The following LCORL variants were observed in gnomAD, a reference collection of about 807,000 sequenced individuals.
LCORL encodes the protein ligand dependent nuclear receptor corepressor like.
LCORL carries 41 observed loss-of-function variants against 141.8 expected under a neutral mutation model. The ratio of observed to expected loss-of-function variants is 0.29; its 90% CI spans 0.23 to 0.38. The LOEUF (loss-of-function observed/expected upper bound fraction) is 0.38, where lower values mean the gene tolerates loss of function less well. Ranked by LOEUF, LCORL falls within the 10% of genes least tolerant of loss-of-function variation. The probability of loss-of-function intolerance (pLI) is 1.00; values close to 1 mark genes in which losing one functional copy is unlikely to be tolerated. For missense variants in LCORL, 1,759 were observed against 2,035.0 expected (o/e 0.86, Z 2.61); for synonymous variants, 618 against 694.1 (o/e 0.89, Z 1.72).
intron 1 of LCORL, among the ~76,000 whole-genome samples, chr4:17,997,801 AT>A (rs1560461809): frequency 6.6e-6 from 1 of 152,174 alleles, no homozygotes; most frequent in Non-Finnish European, 1.5e-5. Context: ...AATGGACACA[AT>A]GGTTAAAACA....
At chr4:17,881,678 T>C in intron 6 of LCORL, 2 of 951,722 alleles carry the variant, frequency 2.1e-6, no homozygotes, top group Non-Finnish European at 2.5e-6. Context: ...TACTATAAAC[T>C]TCTCAATCAA....
At chr4:17,843,209 T>C (rs1722593070) in exon 8 of LCORL, 5 of 1,375,960 alleles carry the variant, frequency 3.6e-6, no homozygotes, top group East Asian at 4.7e-5. Context: ...TAAACACTGA[T>C]AGAATGTGAG....
At chr4:17,980,228 T>C (rs1008768105) in intron 1 of LCORL, among the ~76,000 whole-genome samples, 8 of 152,224 alleles carry the variant, frequency 5.3e-5, no homozygotes, top group Admixed American at 5.2e-4. Context: ...GGCTTGAAGT[T>C]CCTTGATTGA....
At chr4:17,960,648 A>T (rs948002979) in intron 4 of LCORL, among the ~76,000 whole-genome samples, 2 of 152,118 alleles carry the variant, frequency 1.3e-5, no homozygotes, top group African/African-American at 4.8e-5. Flanking sequence ...TTTTAAAGAG[A>T]TGGGGTCTTG....
intron 6 of LCORL, chr4:17,880,355 T>C: frequency 1.4e-6 from 1 of 697,464 alleles, no homozygotes; most frequent in Non-Finnish European, 1.8e-6. Flanking sequence ...CAGTCTAGAA[T>C]TTATTCTCAG....
chr4:17,994,520 G>A (rs1268328421), intron 1 of LCORL, among the ~76,000 whole-genome samples: 1 of 152,028 alleles, frequency 6.6e-6, no homozygotes, highest in Non-Finnish European at 1.5e-5. Context: ...TCAATTTAAA[G>A]TTTCATCTGA....
intron 1 of LCORL, among the ~76,000 whole-genome samples, chr4:18,018,533 G>A (rs74537632): frequency 0.02 from 3,093 of 152,260 alleles, 48 homozygotes; most frequent in Non-Finnish European, 0.032. Context: ...ACAATTAGAG[G>A]AAGGTAAATA....
chr4:17,863,832 A>G (rs933356914), intron 7 of LCORL, among the ~76,000 whole-genome samples: 2 of 152,242 alleles, frequency 1.3e-5, no homozygotes, highest in Non-Finnish European at 2.9e-5. Flanking sequence ...CAATGCGATC[A>G]TGTCCTCTGC....
rs533387222 is a variant in LCORL, at chr4:17,884,003, C to T, written c.776+2065G>A. On this transcript the variant is annotated intron_variant, in intron 6 of 7. Coordinates refer to ENST00000635767, the Ensembl canonical transcript of LCORL. This position sits in a 1 kb window ranked among gnomAD's most constrained non-coding sequence, Gnocchi z 4.4. Reference sequence around the variant, plus strand: ...TTTCCTGGGCTGCTTACTGTCTTTTCGATCTAATCCATCTTCAGTATTTTC... The same window carrying T: ...TTTCCTGGGCTGCTTACTGTCTTTTTGATCTAATCCATCTTCAGTATTTTC... 5 of 1,550,730 alleles carry T rather than the reference C, an allele frequency of 3.2e-6. No homozygotes were observed. Among genetic ancestry groups the T allele is most frequent in the East Asian group, 2.4e-5 (1 of 40,894 alleles).
At chr4:17,917,902 T>C (rs1265230103) in intron 4 of LCORL, among the ~76,000 whole-genome samples, 1 of 152,142 alleles carries the variant, frequency 6.6e-6, no homozygotes, top group African/African-American at 2.4e-5. Flanking sequence ...CACTTTAAAT[T>C]GCACTATCCT....
At chr4:17,930,741 T>C (rs955592701) in intron 4 of LCORL, among the ~76,000 whole-genome samples, 3 of 152,218 alleles carry the variant, frequency 2.0e-5, no homozygotes, top group Non-Finnish European at 4.4e-5. Flanking sequence ...GTGGTATGTA[T>C]GATTAGTCCT....
intron 7 of LCORL, among the ~76,000 whole-genome samples, chr4:17,856,266 C>T (rs1262101601): frequency 1.3e-5 from 2 of 152,300 alleles, no homozygotes; most frequent in East Asian, 3.9e-4. Flanking sequence ...TATGTCGAAG[C>T]TCTAACCCTG....
intron 5 of LCORL, among the ~76,000 whole-genome samples, chr4:17,897,175 A>C (rs370237802): frequency 6.8e-6 from 1 of 146,508 alleles, no homozygotes; most frequent in South Asian, 2.2e-4. Flanking sequence ...AACTGCAATA[A>C]ACAGGGGAGT....
chr4:17,936,614 C>T (rs1736904706), intron 4 of LCORL, among the ~76,000 whole-genome samples: 1 of 152,128 alleles, frequency 6.6e-6, no homozygotes, highest in Admixed American at 6.5e-5. Flanking sequence ...GAATCTGAAT[C>T]TGTTTGGTTC....
chr4:17,928,199 G>T (rs949516902), intron 4 of LCORL, among the ~76,000 whole-genome samples: 1 of 152,144 alleles, frequency 6.6e-6, no homozygotes, highest in African/African-American at 2.4e-5. Flanking sequence ...TTGAGCCCAG[G>T]AGTTTGAGAT....
chr4:17,908,002 A>G (rs1001877889), intron 5 of LCORL, among the ~76,000 whole-genome samples: 1 of 152,174 alleles, frequency 6.6e-6, no homozygotes, highest in African/African-American at 2.4e-5. Flanking sequence ...ACACACTGAA[A>G]AGACTGTATC....
At chr4:17,961,958 A>G in exon 4 of LCORL, 1 of 1,609,864 alleles carries the variant, frequency 6.2e-7, no homozygotes, top group Non-Finnish European at 8.5e-7. Context: ...CAATCTTATC[A>G]GTGTTGGACT....
At chr4:17,905,102 A>C (rs939281206) in intron 5 of LCORL, among the ~76,000 whole-genome samples, 1 of 152,024 alleles carries the variant, frequency 6.6e-6, no homozygotes, top group African/African-American at 2.4e-5. Context: ...GCTATTGCAA[A>C]TGTAACTTTT....
intron 6 of LCORL, chr4:17,882,364 T>C (rs901047288): frequency 3.0e-6 from 3 of 983,950 alleles, no homozygotes; most frequent in African/African-American, 3.5e-5. Context: ...CCCTATTCTT[T>C]ATATGAAGGC....
Sources: allele counts gnomAD v4.1 joint callset (sites outside exome capture counted in the v4.1 genomes callset), GRCh38; gene constraint gnomAD v4.1.1; non-coding constraint Gnocchi (gnomAD v3.1); transcripts MANE v1.5; gene names NCBI Gene and HGNC (gene_info 2026-07-23, HGNC 2026-07-21).